The following INTS1 variants were observed in gnomAD, a reference collection of about 807,000 sequenced individuals.
INTS1 encodes the protein integrator complex subunit 1.
Under a neutral mutation model 241.6 loss-of-function variants are expected in INTS1, and 137 were observed. The ratio of observed to expected loss-of-function variants is 0.57; its 90% CI spans 0.49 to 0.65. INTS1 has a LOEUF of 0.65. INTS1 is among the 30% of genes least tolerant of loss of function. INTS1 has a pLI of 0.00. For synonymous variants in INTS1, 1,692 were observed against 1,337.8 expected, an observed-to-expected ratio of 1.26 and a Z score of -5.78; for missense variants, 3,073 against 3,032.2, an observed-to-expected ratio of 1.01 and a Z score of -0.32.
rs116384089 is a variant in INTS1, at chr7:1,476,825, G to A, written c.5032C>T (p.Arg1678Ter). The A allele has an allele frequency of 3.1e-6, 5 of 1,612,940 alleles. No individual in the cohort carries two copies. Among genetic ancestry groups the A allele is most frequent in the Non-Finnish European group, 2.5e-6 (3 of 1,179,850 alleles). ...SSWPTLHQCI[R>*]VLLGKSREQR... ...TCCCGGCTCTTGCCCAGCAGGACTC[G>A]GATGCACTGGTGCAGTGTGGGCCAG... Residue 1678 changes from arginine (R) to a stop codon, truncating the protein, a stop_gained, in exon 36 of 48, where the codon CGA becomes TGA. Coordinates refer to ENST00000404767, the MANE Select transcript of INTS1 (RefSeq NM_001080453.3). LOFTEE classifies it high-confidence loss of function.
intron 16 of INTS1, among the ~76,000 whole-genome samples, chr7:1,490,605 G>A (rs954090183): frequency 1.1e-4 from 16 of 152,360 alleles, no homozygotes; most frequent in Middle Eastern, 3.4e-3. Context: ...ATCCTCCCAC[G>A]TGCACGGATC....
chr7:1,471,706 C>A, intron 44 of INTS1, 65 bp from the exon 45 acceptor site: 1 of 1,520,206 alleles, frequency 6.6e-7, no homozygotes, highest in Non-Finnish European at 9.1e-7. Flanking sequence ...CACCCCACCC[C>A]AGCCACCCAG....
intron 25 of INTS1, 46 bp downstream of exon 25, chr7:1,483,957 G>A (rs371149388): frequency 3.0e-5 from 48 of 1,589,046 alleles, no homozygotes; most frequent in Admixed American, 6.7e-5. Context: ...TCACCCAGCC[G>A]TAGACCTCCT....
intron 26 of INTS1, chr7:1,482,958 T>C (rs983121521): frequency 1.1e-5 from 6 of 528,258 alleles, no homozygotes; most frequent in African/African-American, 9.6e-5. Flanking sequence ...CAAGGGGACA[T>C]GTGCGTGTCC....
intron 2 of INTS1, 49 bp from the exon 3 acceptor site, chr7:1,503,240 T>C (rs1229292254): frequency 1.1e-5 from 16 of 1,500,812 alleles, no homozygotes; most frequent in South Asian, 1.3e-5. Context: ...ACACCCAAGA[T>C]GGAAAAAGAC....
Position 1,497,982 on chromosome 7 carries a change from G to A in INTS1, c.1425+430C>T, listed in dbSNP as rs1351300459. ...TCATCCCAGCACTTTGGGAGGTTGA[G>A]GCAGGAGGATCGCTTGAGCCCAGGA... is the stretch of plus-strand genomic sequence containing the variant. On this transcript the variant is annotated intron_variant, in intron 10 of 47. Transcript: ENST00000404767. This position sits in a 1 kb window ranked among gnomAD's most constrained non-coding sequence, Gnocchi z 5.3. 1.4e-4 allele frequency among the ~76,000 whole-genome samples: 22 copies of A among 152,380 alleles called. No homozygotes were observed. Among genetic ancestry groups the A allele is most frequent in the African/African-American group, 5.0e-4 (21 of 41,600 alleles).
chr7:1,483,912 G>A, intron 25 of INTS1, 59 bp from the exon 26 acceptor site: 1 of 1,587,894 alleles, frequency 6.3e-7, no homozygotes, highest in Non-Finnish European at 8.6e-7. Flanking sequence ...CCAGCGCCGA[G>A]GGTACCCAGC....
At chr7:1,471,713 C>G in intron 44 of INTS1, 72 bp from the exon 45 acceptor site, 1 of 1,457,382 alleles carries the variant, frequency 6.9e-7, no homozygotes, top group East Asian at 2.3e-5. Flanking sequence ...CCCCAGCCAC[C>G]CAGAGGGGGC....
At position 1,499,462 on chromosome 7, in the gene INTS1, G is replaced by C. The variant is rs560529308; in HGVS notation, c.844+11C>G. On this transcript the variant is annotated intron_variant, in intron 6 of 47. Coordinates refer to ENST00000404767, the MANE Select transcript of INTS1 (RefSeq NM_001080453.3). ...GGACACCCGCCCTCTCTGGCTGGCC[G>C]TGTGTCTCACCTGCACCCAGGTCGC... 8 of 1,481,796 alleles carry C rather than the reference G, an allele frequency of 5.4e-6. No individual in the cohort carries two copies. The highest frequency in any genetic ancestry group is 6.4e-6 in the Non-Finnish European group (7 of 1,098,698). 91.8% of individuals were successfully genotyped at this position (1,481,796 alleles called of 1,614,324 possible). A position where few individuals can be genotyped will look rare whatever the true frequency, so the allele number is the denominator to read the frequency against.
chr7:1,474,377 G>C lies in INTS1; in HGVS notation c.5637-17C>G. 2 of 1,572,620 alleles carry C rather than the reference G, an allele frequency of 1.3e-6. No individual in the cohort carries two copies. Among genetic ancestry groups the C allele is most frequent in the Non-Finnish European group, 1.7e-6 (2 of 1,159,762 alleles). ...GGCAGGTGCCTGCGGGCGCGGTGAG[G>C]GCCCAGTCAGCCCCGGCCGGCGGGC... On this transcript the variant is annotated splice_polypyrimidine_tract_variant and intron_variant, in intron 40 of 47. Transcript: ENST00000404767.
chr7:1,489,369 T>A lies in INTS1; in HGVS notation c.2293A>T (p.Met765Leu). The A allele has an allele frequency of 6.9e-6, 7 of 1,015,770 alleles. No individual in the cohort carries two copies. Among genetic ancestry groups the A allele is most frequent in the Non-Finnish European group, 8.6e-6 (7 of 811,572 alleles). The allele number at this position is 1,015,770 out of a possible 1,614,324, so 62.9% of individuals were successfully genotyped here. ...TTGGTCATCACCATCTCCATGAGCA[T>A]CTTCAGGGTCGGGTACTCCTCCCAC... ...AAWEEYPTLKMLMEMVMTNNY... is the reference protein window; with the variant it reads ...AAWEEYPTLKLLMEMVMTNNY... The change falls in exon 18 of 48, where the codon ATG becomes TTG. Residue 765 changes from methionine (M) to leucine (L), a missense_variant. By Grantham distance (15) the Met-to-Leu change is conservative. Coordinates refer to ENST00000404767, the MANE Select transcript of INTS1 (RefSeq NM_001080453.3).
At chr7:1,483,617 A>G (rs544914503) in intron 26 of INTS1, 125 bp downstream of exon 26, 218 of 742,936 alleles carry the variant, frequency 2.9e-4, no homozygotes, top group Non-Finnish European at 4.7e-4. Context: ...GCCAGGACAC[A>G]GGGTTGAAGG....
At chr7:1,473,992 G>A (rs1409465829) in intron 41 of INTS1, among the ~76,000 whole-genome samples, 176 bp downstream of exon 41, 1 of 152,232 alleles carries the variant, frequency 6.6e-6, no homozygotes, top group Non-Finnish European at 1.5e-5. Flanking sequence ...CCCCAGGCAC[G>A]TGAGGGGCAG....
chr7:1,495,647 G>C, intron 12 of INTS1, 94 bp from the exon 13 acceptor site: 1 of 1,491,860 alleles, frequency 6.7e-7, no homozygotes, highest in South Asian at 1.2e-5. Context: ...TGGCACTTGG[G>C]AGGGGGTAAC....
chr7:1,491,371 G>A (rs936806798), intron 16 of INTS1, among the ~76,000 whole-genome samples: 2 of 152,158 alleles, frequency 1.3e-5, no homozygotes, highest in Non-Finnish European at 2.9e-5. Context: ...CAGCGGTGCC[G>A]GGACAGCTGG....
rs1782133152 is a variant in INTS1, at chr7:1,484,142, G to C, written c.3290C>G (p.Ser1097Cys). ...CGAGAAGAGGTGGGACATGATGGTG[G>C]AGCGCTCCACGACCAGCCGGGCCAC... is the stretch of plus-strand genomic sequence containing the variant. Reference protein sequence around the residue: ...LDVARLVVERSTIMSHLFSKL... With the variant: ...LDVARLVVERCTIMSHLFSKL... The change falls in exon 25 of 48, where the codon TCC becomes TGC. Residue 1097 changes from serine (S) to cysteine (C), a missense_variant. Ser to Cys is a moderately radical substitution (Grantham distance 112). Coordinates refer to ENST00000404767, the MANE Select transcript of INTS1 (RefSeq NM_001080453.3). The C allele has an allele frequency of 6.2e-7, 1 of 1,611,786 alleles. No homozygotes were observed. Among genetic ancestry groups the C allele is most frequent in the Non-Finnish European group, 8.5e-7 (1 of 1,179,662 alleles).
intron 27 of INTS1, chr7:1,482,141 C>T (rs767548793): frequency 4.7e-5 from 8 of 169,030 alleles, no homozygotes; most frequent in East Asian, 1.6e-4. Context: ...TACTGACCTA[C>T]GTGGGCCCAG....
At chr7:1,495,078 G>A (rs1212926281) in intron 13 of INTS1, among the ~76,000 whole-genome samples, 185 bp from the exon 14 acceptor site, 3 of 151,414 alleles carry the variant, frequency 2.0e-5, no homozygotes, top group Non-Finnish European at 4.4e-5. Context: ...GGGGCTGCCA[G>A]GCTGCACAGC....
intron 12 of INTS1, among the ~76,000 whole-genome samples, chr7:1,495,892 C>T (rs902933618): frequency 3.9e-5 from 6 of 152,220 alleles, no homozygotes; most frequent in Non-Finnish European, 5.9e-5. Context: ...GGGGCCACCA[C>T]GCCTGCAATG....
Sources: allele counts gnomAD v4.1 joint callset (sites outside exome capture counted in the v4.1 genomes callset), GRCh38; gene constraint gnomAD v4.1.1; non-coding constraint Gnocchi (gnomAD v3.1); transcripts MANE v1.5; gene names NCBI Gene and HGNC (gene_info 2026-07-23, HGNC 2026-07-21).